Variants in DNAJC17 observed in about 807,000 individuals in gnomAD.
DNAJC17 encodes DnaJ heat shock protein family (Hsp40) member C17.
DNAJC17 carries 35 observed loss-of-function variants against 48.1 expected under a neutral mutation model. The observed-to-expected ratio is 0.73, with a 90% CI of 0.56 to 0.96. The LOEUF (loss-of-function observed/expected upper bound fraction) is 0.96. DNAJC17 is among the 50% of genes least tolerant of loss of function. The probability of loss-of-function intolerance (pLI) is 0.00; values close to 1 mark genes in which losing one functional copy is unlikely to be tolerated. For missense variants in DNAJC17, 355 were observed against 377.1 expected, an observed-to-expected ratio of 0.94 and a Z score of 0.48; for synonymous variants, 117 against 142.7, an observed-to-expected ratio of 0.82 and a Z score of 1.28.
intron 1 of DNAJC17, among the ~76,000 whole-genome samples, chr15:40,794,227 A>G (rs899599476): frequency 2.6e-4 from 40 of 151,928 alleles, no homozygotes; most frequent in African/African-American, 9.4e-4. Context: ...GTGCATGCCT[A>G]TAATCCTAGC....
rs540867708 is a variant in DNAJC17, at chr15:40,793,421, A to G, written c.79-13424T>C. 8.5e-5 allele frequency among the ~76,000 whole-genome samples: 13 copies of G among 152,296 alleles called. No homozygotes were observed. The South Asian group carries it at 2.5e-3, about 29-fold the overall frequency. Reference sequence around the variant, plus strand: ...TCAGCTCTAAGTCCTACCATGCTCAAACAGTACCTTGTCCATGGTGAGAAA... The same window carrying G: ...TCAGCTCTAAGTCCTACCATGCTCAGACAGTACCTTGTCCATGGTGAGAAA... On this transcript the variant is annotated intron_variant, in intron 1 of 10. Transcript: ENST00000220496.
intron 1 of DNAJC17, among the ~76,000 whole-genome samples, chr15:40,790,733 A>G (rs2141958216): frequency 6.6e-6 from 1 of 152,340 alleles, no homozygotes; most frequent in South Asian, 2.1e-4. Context: ...AGGTCTCATC[A>G]AATGAGATAA....
At chr15:40,780,659 C>T in intron 1 of DNAJC17, 1 of 267,526 alleles carries the variant, frequency 3.7e-6, no homozygotes. Context: ...ACTAAATATA[C>T]AAAAATTAGC....
chr15:40,772,467 G>A (rs1250600771), intron 10 of DNAJC17: 1 of 167,100 alleles, frequency 6.0e-6, no homozygotes, highest in Non-Finnish European at 1.5e-5. Context: ...AGTGTTATCT[G>A]GGGCTGTGAA....
Position 40,767,023 on chromosome 15 carries a change from T to A in DNAJC17, c.*917A>T, listed in dbSNP as rs938505073. On this transcript the variant is annotated 3_prime_UTR_variant, in exon 11 of 11. Transcript: ENST00000220496. ...CACAACAGTGGCACCTTCACTAGCT[T>A]GTTGGGAAGAATAAATGAGATAGCT... is the stretch of plus-strand genomic sequence containing the variant. 5 of 426,770 alleles carry A rather than the reference T, an allele frequency of 1.2e-5. No individual in the cohort carries two copies. Among genetic ancestry groups the A allele is most frequent in the Non-Finnish European group, 1.6e-5 (4 of 245,000 alleles). 26.4% of individuals were successfully genotyped at this position (426,770 alleles called of 1,614,324 possible).
At chr15:40,806,530 T>TTTTC (rs777792216) in intron 1 of DNAJC17, among the ~76,000 whole-genome samples, 5 of 152,084 alleles carry the variant, frequency 3.3e-5, no homozygotes, top group African/African-American at 1.2e-4. Flanking sequence ...TAGACACTAA[T>TTTTC]TTTCTTTCTT....
chr15:40,767,020 G>A lies in DNAJC17; in HGVS notation c.*920C>T. On this transcript the variant is annotated 3_prime_UTR_variant, in exon 11 of 11. Coordinates refer to ENST00000220496, the MANE Select transcript of DNAJC17 (RefSeq NM_018163.3). ...GGCCACAACAGTGGCACCTTCACTAGCTTGTTGGGAAGAATAAATGAGATA... is the reference window on the plus strand; with the variant it reads ...GGCCACAACAGTGGCACCTTCACTAACTTGTTGGGAAGAATAAATGAGATA... 2.3e-6 allele frequency: 1 copy of A among 425,750 alleles called. No individual in the cohort carries two copies. The highest frequency in any genetic ancestry group is 3.6e-5 in the East Asian group (1 of 27,594). The allele number at this position is 425,750 out of a possible 1,614,324, so 26.4% of individuals were successfully genotyped here.
rs1055529608 is a variant in DNAJC17, at chr15:40,774,451, G to A, written c.601-15C>T. ...ACCTCACCATACTGTGGGGACAAAG[G>A]GGTCCTAATAAGCATGACTTGGCCT... On this transcript the variant is annotated splice_polypyrimidine_tract_variant and intron_variant, in intron 8 of 10. Coordinates refer to ENST00000220496, the MANE Select transcript of DNAJC17 (RefSeq NM_018163.3). 3.1e-6 allele frequency: 5 copies of A among 1,613,664 alleles called. No homozygotes were observed. The highest frequency in any genetic ancestry group is 1.1e-5 in the South Asian group (1 of 91,068).
intron 1 of DNAJC17, among the ~76,000 whole-genome samples, chr15:40,803,852 C>T (rs1157569697): frequency 6.6e-6 from 1 of 152,198 alleles, no homozygotes; most frequent in Non-Finnish European, 1.5e-5. Flanking sequence ...ATCCCAGCCA[C>T]CACTGCCCAG....
rs1889252131 is a variant in DNAJC17, at chr15:40,774,247, GAGATTCCCTA to G, written c.681+99_681+108del. ...AGAGCCTTGGCTCTAAGCTGGCCTG[GAGATTCCCTA>G]GGAGTGCAGACCACCTAACTCAGAG... On this transcript the variant is annotated intron_variant, in intron 9 of 10. Transcript: ENST00000220496. 3 of 1,267,402 alleles carry G rather than the reference GAGATTCCCTA, an allele frequency of 2.4e-6. No homozygotes were observed. In the East Asian group the frequency reaches 7.0e-5, roughly 29 times the overall value. 78.5% of individuals were successfully genotyped at this position (1,267,402 alleles called of 1,614,324 possible). A position where few individuals can be genotyped will look rare whatever the true frequency, so the allele number is the denominator to read the frequency against.
chr15:40,797,378 CA>C (rs1435749429), intron 1 of DNAJC17, among the ~76,000 whole-genome samples: 1 of 151,488 alleles, frequency 6.6e-6, no homozygotes, highest in Non-Finnish European at 1.5e-5. Context: ...TCATCAACCA[CA>C]AAAAATTCAT....
chr15:40,773,995 T>C (rs1250713156), intron 9 of DNAJC17, among the ~76,000 whole-genome samples, 158 bp from the exon 10 acceptor site: 2 of 152,142 alleles, frequency 1.3e-5, no homozygotes, highest in African/African-American at 4.8e-5. Flanking sequence ...GCTTTGGCCT[T>C]TCCTGCGGGA....
chr15:40,770,469 ACCTGT>A lies in DNAJC17; in HGVS notation c.793-2412_793-2408del. On this transcript the variant is annotated intron_variant, in intron 10 of 10. Transcript: ENST00000220496. This position sits in a 1 kb window ranked among gnomAD's most constrained non-coding sequence, Gnocchi z 5.0. Reference sequence around the variant, plus strand: ...ACATGCACCCTGGCTGCTCCTGAACACCTGTCTGCTGGCTCCCCTGGGCCCCATGG... The same window carrying A: ...ACATGCACCCTGGCTGCTCCTGAACACTGCTGGCTCCCCTGGGCCCCATGG... 6.5e-7 allele frequency: 1 copy of A among 1,531,362 alleles called. No homozygotes were observed. Among genetic ancestry groups the A allele is most frequent in the Non-Finnish European group, 8.8e-7 (1 of 1,138,368 alleles). The allele number at this position is 1,531,362 out of a possible 1,614,324, so 94.9% of individuals were successfully genotyped here.
In DNAJC17 at chr15:40,776,220, G is replaced by C; in HGVS notation, c.454C>G (p.Gln152Glu). The change falls in exon 6 of 11, where the codon CAG becomes GAG. Residue 152 changes from glutamine to glutamate, a missense_variant. By Grantham distance (29) the Gln-to-Glu change is conservative (BLOSUM62 2). Around this residue, in one of 3 missense-constraint regions of DNAJC17, gnomAD observed 199 missense variants for 199.9 expected, o/e 1.00. Coordinates refer to ENST00000220496, the MANE Select transcript of DNAJC17 (RefSeq NM_018163.3). ...CCTCTCAACCTCTGGTCACGCTCCT[G>C]GCGTATCTGCTCCCGGATGAGCCTC... ...QQRLIREQIR[Q>E]ERDQRLRGKA... 1 of 1,614,058 alleles carries C rather than the reference G, an allele frequency of 6.2e-7. No individual in the cohort carries two copies. The highest frequency in any genetic ancestry group is 8.5e-7 in the Non-Finnish European group (1 of 1,180,030).
intron 1 of DNAJC17, among the ~76,000 whole-genome samples, chr15:40,797,246 T>G (rs1889960011): frequency 6.6e-6 from 1 of 152,180 alleles, no homozygotes; most frequent in Non-Finnish European, 1.5e-5. Context: ...GGTACATGCC[T>G]ATTGTCCTAG....
intron 1 of DNAJC17, among the ~76,000 whole-genome samples, chr15:40,783,370 C>T (rs1474664107): frequency 6.6e-6 from 1 of 151,236 alleles, no homozygotes; most frequent in Non-Finnish European, 1.5e-5. Context: ...TGGGCCCCTC[C>T]TCTCTGATCC....
At chr15:40,800,656 C>G (rs1182101456) in intron 1 of DNAJC17, among the ~76,000 whole-genome samples, 1 of 145,358 alleles carries the variant, frequency 6.9e-6, no homozygotes, top group East Asian at 2.2e-4. Context: ...ATCATTTAAA[C>G]ATGTAAAACC....
rs1193575818 is a variant in DNAJC17 at position 40,765,888 on chromosome 15, G to T, written c.*2052C>A. 2 of 1,580,902 alleles carry T rather than the reference G, an allele frequency of 1.3e-6. No homozygotes were observed. Among genetic ancestry groups the T allele is most frequent in the Non-Finnish European group, 1.7e-6 (2 of 1,158,076 alleles). On this transcript the variant is annotated 3_prime_UTR_variant, in exon 11 of 11. Coordinates refer to ENST00000220496, the MANE Select transcript of DNAJC17 (RefSeq NM_018163.3). ...GATCCAGAGCTGATGCAGCATCTGG[G>T]GGCTTCAAAGAGAAGAGCCTTGGGA...
At chr15:40,777,301 G>C (rs76557337) in intron 4 of DNAJC17, among the ~76,000 whole-genome samples, 1 of 79,308 alleles carries the variant, frequency 1.3e-5, no homozygotes, top group Non-Finnish European at 2.5e-5. Context: ...TTTTTTTTTT[G>C]AGATGGGGTC....
Sources: gnomAD v4.1 joint callset for allele counts (sites outside exome capture counted in the v4.1 genomes callset) on GRCh38, gnomAD v4.1.1 for gene constraint, gnomAD v4.1.1 regional missense constraint, Gnocchi (gnomAD v3.1) non-coding constraint, MANE v1.5 for transcripts, NCBI Gene and HGNC (gene_info 2026-07-23, HGNC 2026-07-21) for gene names.